Variants in SLC29A4 observed in about 807,000 individuals in gnomAD.
The protein encoded by SLC29A4 is solute carrier family 29 member 4, also known as equilibrative nucleoside transporter 4.
A neutral mutation model predicts 43.9 loss-of-function variants in SLC29A4; 36 were observed. The ratio of observed to expected loss-of-function variants is 0.82; its 90% CI spans 0.63 to 1.08. The LOEUF is 1.08. Ranked by LOEUF, SLC29A4 falls within the 50% of genes least tolerant of loss-of-function variation. The pLI is 0.00. For missense variants in SLC29A4, 869 were observed against 755.3 expected (o/e 1.15, Z -1.77); for synonymous variants, 491 against 338.0 (o/e 1.45, Z -4.97).
At chr7:5,291,670 C>T (rs1343749131) in intron 4 of SLC29A4, 23 bp from the exon 5 acceptor site, 2 of 1,572,118 alleles carry the variant, frequency 1.3e-6, no homozygotes, top group Non-Finnish European at 1.7e-6. Context: ...CACCACTCCC[C>T]TCACTAGCCT....
intron 2 of SLC29A4, among the ~76,000 whole-genome samples, chr7:5,289,335 C>G (rs997385408): frequency 6.6e-6 from 1 of 151,896 alleles, no homozygotes; most frequent in South Asian, 2.1e-4. Context: ...AGGGGGTGGT[C>G]GTAGTGAGCC....
chr7:5,300,237 G>T (rs1178278818), intron 9 of SLC29A4, among the ~76,000 whole-genome samples, 185 bp from the exon 10 acceptor site: 1 of 151,914 alleles, frequency 6.6e-6, no homozygotes, highest in Non-Finnish European at 1.5e-5. Context: ...GACTCTAAGG[G>T]AAAAAAATGT....
At chr7:5,291,385 A>G in intron 4 of SLC29A4, 148 bp downstream of exon 4, 1 of 834,798 alleles carries the variant, frequency 1.2e-6, no homozygotes, top group Non-Finnish European at 1.9e-6. Flanking sequence ...CTGGTGTAAG[A>G]CACCGTGGTG....
chr7:5,290,931 C>T (rs1330300625), intron 3 of SLC29A4, 68 bp downstream of exon 3: 8 of 1,560,434 alleles, frequency 5.1e-6, no homozygotes, highest in East Asian at 2.3e-5. Flanking sequence ...CTCCCAGAAA[C>T]CCCCGGCGGG....
chr7:5,294,949 A>G lies in SLC29A4; in HGVS notation c.619+15A>G, dbSNP rs1562448562. 1 of 1,592,624 alleles carries G rather than the reference A, an allele frequency of 6.3e-7. No individual in the cohort carries two copies. The highest frequency in any genetic ancestry group is 8.5e-7 in the Non-Finnish European group (1 of 1,171,870). On this transcript the variant is annotated intron_variant, in intron 6 of 10. Transcript: ENST00000396872. ...GACCGGGGAGAGTGAGTATCTGCAG[A>G]CCCCCCGGGGAGGGGGTGCTGGGCT...
intron 1 of SLC29A4, among the ~76,000 whole-genome samples, chr7:5,283,447 C>T (rs1355284461): frequency 1.1e-4 from 16 of 151,488 alleles, no homozygotes; most frequent in Non-Finnish European, 2.4e-4. Flanking sequence ...AAAAAGCGGC[C>T]GGGAGAGGCG....
rs745568859 is a variant in SLC29A4, at chr7:5,294,845, T to TCC, written c.545-14_545-13insCC. 1.2e-6 allele frequency: 2 copies of TCC among 1,606,650 alleles called. No individual in the cohort carries two copies. The highest frequency in any genetic ancestry group is 4.5e-5 in the East Asian group (2 of 44,754). ...TAATGGTGCCTCTGGGTTGTTCCTC[T>TCC]CTCTCTCTCTTAAGTGCAGCAATCC... On this transcript the variant is annotated splice_polypyrimidine_tract_variant and intron_variant, in intron 5 of 10. Coordinates refer to ENST00000396872, the MANE Select transcript of SLC29A4 (RefSeq NM_153247.4).
chr7:5,302,059 T>C (rs763109145), intron 10 of SLC29A4, among the ~76,000 whole-genome samples: 6 of 152,202 alleles, frequency 3.9e-5, no homozygotes, highest in Non-Finnish European at 5.9e-5. Flanking sequence ...CAAGCAATTC[T>C]CATGCCTCAG....
rs17854503 is a variant in SLC29A4 at position 5,300,457 on chromosome 7, C to A, written c.1245C>A (p.Thr415=). ...CCCTGCCCGTGGACTGGCGGGGCAC[C>A]CACCTGCTGGCCTGCTCCTGCCTGC... is the stretch of plus-strand genomic sequence containing the variant. ...LAALPVDWRG[T]HLLACSCLRV... is the part of the protein sequence containing the mutation. Residue 415 remains threonine, a synonymous_variant, in exon 10 of 11, where the codon ACC becomes ACA. Coordinates refer to ENST00000396872, the MANE Select transcript of SLC29A4 (RefSeq NM_153247.4). The A allele has an allele frequency of 6.2e-7, 1 of 1,611,350 alleles. No individual in the cohort carries two copies. Among genetic ancestry groups the A allele is most frequent in the Non-Finnish European group, 8.5e-7 (1 of 1,179,734 alleles).
intron 1 of SLC29A4, among the ~76,000 whole-genome samples, chr7:5,286,910 G>A (rs1488144925): frequency 2.6e-5 from 4 of 152,222 alleles, no homozygotes; most frequent in Non-Finnish European, 5.9e-5. Context: ...GCAGGCACGC[G>A]TGAGGCTCAC....
At chr7:5,300,398 G>T (rs376163880) in intron 9 of SLC29A4, 24 bp from the exon 10 acceptor site, 1 of 1,610,150 alleles carries the variant, frequency 6.2e-7, no homozygotes, top group Non-Finnish European at 8.5e-7. Flanking sequence ...GGGACAGGGC[G>T]CCCACTTGCC....
At chr7:5,284,721 G>T (rs1454135582) in intron 1 of SLC29A4, among the ~76,000 whole-genome samples, 2 of 152,212 alleles carry the variant, frequency 1.3e-5, no homozygotes, top group Non-Finnish European at 2.9e-5. Flanking sequence ...CTGCAGCAGG[G>T]TCCCCACCCC....
At position 5,300,440 on chromosome 7, in the gene SLC29A4, G is replaced by C. The variant is rs372757893; in HGVS notation, c.1228G>C (p.Val410Leu). The C allele has an allele frequency of 1.9e-6, 3 of 1,611,452 alleles. No individual in the cohort carries two copies. The highest frequency in any genetic ancestry group is 2.5e-6 in the Non-Finnish European group (3 of 1,179,730). The change falls in exon 10 of 11, where the codon GTG becomes CTG. Residue 410 changes from valine (V) to leucine (L), a missense_variant. Transcript: ENST00000396872. ...FVGKILAALPVDWRGTHLLAC... is the reference protein window; with the variant it reads ...FVGKILAALPLDWRGTHLLAC... ...TCTGCAGATCCTGGCAGCCCTGCCC[G>C]TGGACTGGCGGGGCACCCACCTGCT... is the stretch of plus-strand genomic sequence containing the variant.
chr7:5,296,766 G>A lies in SLC29A4; in HGVS notation c.620-170G>A, dbSNP rs867948361. Reference sequence around the variant, plus strand: ...CCGGCGGTGATGGGCGGGGCCTGTGGGTGGGGGCAGGGCCTGTGGTGGAGG... The same window carrying A: ...CCGGCGGTGATGGGCGGGGCCTGTGAGTGGGGGCAGGGCCTGTGGTGGAGG... On this transcript the variant is annotated intron_variant, in intron 6 of 10. Transcript: ENST00000396872. Among the ~76,000 whole-genome samples the A allele has an allele frequency of 6.9e-4, 90 of 129,712 alleles. 1 individual carries two copies. Among genetic ancestry groups the A allele is most frequent in the Middle Eastern group, 3.8e-3 (1 of 266 alleles). 85.1% of individuals were successfully genotyped at this position (129,712 alleles called of 152,430 possible).
At chr7:5,294,335 A>AT (rs1272321990) in intron 5 of SLC29A4, among the ~76,000 whole-genome samples, 1 of 151,994 alleles carries the variant, frequency 6.6e-6, no homozygotes, top group Non-Finnish European at 1.5e-5. Flanking sequence ...GTGCACTTCT[A>AT]TTTTCCCTAG....
At chr7:5,293,722 G>A (rs1785460519) in intron 5 of SLC29A4, among the ~76,000 whole-genome samples, 1 of 152,160 alleles carries the variant, frequency 6.6e-6, no homozygotes, top group South Asian at 2.1e-4. Context: ...ATGGTTCACT[G>A]CAGCCTCAAC....
chr7:5,291,842 G>T (rs773163968), intron 5 of SLC29A4, 21 bp downstream of exon 5: 1 of 1,607,222 alleles, frequency 6.2e-7, no homozygotes, highest in Non-Finnish European at 8.5e-7. Flanking sequence ...GGGCCCAAGG[G>T]GGAGGCCTTG....
intron 3 of SLC29A4, 122 bp downstream of exon 3, chr7:5,290,985 A>C: frequency 6.5e-7 from 1 of 1,530,120 alleles, no homozygotes; most frequent in East Asian, 2.3e-5. Flanking sequence ...TCTCGGCTCC[A>C]CTGTGAGCTG....
chr7:5,297,182 C>T lies in SLC29A4; in HGVS notation c.866C>T (p.Ala289Val), dbSNP rs1374274234. The change falls in exon 7 of 11, where the codon GCC becomes GTC. Residue 289 changes from alanine to valine, a missense_variant. Physicochemically the swap from Ala to Val is moderately conservative, Grantham distance 64 (BLOSUM62 0). Coordinates refer to ENST00000396872, the MANE Select transcript of SLC29A4 (RefSeq NM_153247.4). ...YGYRVHHDVV[A>V]GDVHFEHPAP... ...TACCGCGTGCACCACGACGTTGTCG[C>T]CGGGGACGTCCACTTCGTAAGTGCG... The T allele has an allele frequency of 8.2e-6, 13 of 1,590,296 alleles. No homozygotes were observed. The highest frequency in any genetic ancestry group is 1.1e-5 in the Non-Finnish European group (13 of 1,173,274).
Sources: gnomAD v4.1 joint callset for allele counts (sites outside exome capture counted in the v4.1 genomes callset) on GRCh38, gnomAD v4.1.1 for gene constraint, MANE v1.5 for transcripts, NCBI Gene and HGNC (gene_info 2026-07-23, HGNC 2026-07-21) for gene names.